Variants in TNRC6A observed in about 807,000 individuals in gnomAD.
TNRC6A encodes the protein trinucleotide repeat-containing gene 6A protein.
A neutral mutation model predicts 221.2 loss-of-function variants in TNRC6A; 44 were observed. The ratio of observed to expected loss-of-function variants is 0.20; its 90% CI spans 0.16 to 0.26. TNRC6A has a LOEUF of 0.26. TNRC6A is among the 10% of genes least tolerant of loss of function. The probability of loss-of-function intolerance (pLI) is 1.00; values close to 1 mark genes in which losing one functional copy is unlikely to be tolerated. For missense variants in TNRC6A, 2,199 were observed against 2,404.4 expected (o/e 0.91, Z 1.79); for synonymous variants, 847 against 838.5 (o/e 1.01, Z -0.18).
At chr16:24,773,884 A>G (rs908903574) in intron 4 of TNRC6A, among the ~76,000 whole-genome samples, 9 of 147,016 alleles carry the variant, frequency 6.1e-5, no homozygotes, top group African/African-American at 2.0e-4. Context: ...ACCTTGCTGC[A>G]TTGTTTTGTT....
intron 4 of TNRC6A, chr16:24,776,226 C>CAT (rs1430086041): frequency 1.0e-6 from 1 of 977,300 alleles, no homozygotes; most frequent in African/African-American, 1.8e-5. Context: ...TCTTTCCACT[C>CAT]TTTTATGAGT....
chr16:24,679,986 C>T (rs73566403), intron 2 of TNRC6A, among the ~76,000 whole-genome samples: 10,108 of 152,226 alleles, frequency 0.066, 837 homozygotes, highest in East Asian at 0.32. Context: ...CAACTTAACA[C>T]ATTACATGTC....
rs374927456 is a variant in TNRC6A, at chr16:24,744,417, A to G, written c.54-6309A>G. ...CTTGCCTTAACCAGTAGGGCCAAGTAGTGATTTTTAAAGTCAACCATTCTT... is the reference window on the plus strand; with the variant it reads ...CTTGCCTTAACCAGTAGGGCCAAGTGGTGATTTTTAAAGTCAACCATTCTT... On this transcript the variant is annotated intron_variant, in intron 2 of 24. Transcript: ENST00000395799. Among the ~76,000 whole-genome samples the G allele has an allele frequency of 1.9e-4, 29 of 152,334 alleles. 1 individual carries two copies. The East Asian group carries it at 3.9e-3, about 20-fold the overall frequency.
At chr16:24,758,482 T>G in intron 4 of TNRC6A, 122 bp downstream of exon 4, 3 of 1,012,610 alleles carry the variant, frequency 3.0e-6, no homozygotes, top group Non-Finnish European at 1.5e-6. Context: ...GGGATTAGCC[T>G]TCTTCAGTAA....
rs893120365 is a variant in TNRC6A at position 24,776,977 on chromosome 16, A to G, written c.208A>G (p.Asn70Asp). 2 of 1,614,000 alleles carry G rather than the reference A, an allele frequency of 1.2e-6. No homozygotes were observed. The highest frequency in any genetic ancestry group is 1.7e-6 in the Non-Finnish European group (2 of 1,180,016). ...CAGTGTAAGCCAGCCTCAGCCTGCC[A>G]ACTCTAATAACGGCACTTCCACAGC... ...KPSVSQPQPA[N>D]SNNGTSTATS... The change falls in exon 5 of 25, where the codon AAC becomes GAC. Residue 70 changes from asparagine to aspartate, a missense_variant. Physicochemically the swap from Asn to Asp is conservative, Grantham distance 23. Around this residue, in one of 8 missense-constraint regions of TNRC6A, gnomAD observed 1,405 missense variants for 1,400.2 expected, o/e 1.00. Coordinates refer to ENST00000395799, the MANE Select transcript of TNRC6A (RefSeq NM_014494.4).
chr16:24,630,519 C>T (rs547365200), intron 1 of TNRC6A, among the ~76,000 whole-genome samples: 133 of 152,248 alleles, frequency 8.7e-4, no homozygotes, highest in African/African-American at 3.1e-3. Context: ...ACAACAACAA[C>T]AAAAAACATA....
In TNRC6A at chr16:24,723,045, G is replaced by A. The variant is rs78565460; in HGVS notation, n.403-27681G>A. Among the ~76,000 whole-genome samples the A allele has an allele frequency of 6.5e-3, 997 of 152,248 alleles. 6 individuals are homozygous for A. Among genetic ancestry groups the A allele is most frequent in the Middle Eastern group, 0.01 (3 of 294 alleles). ...GTTGGTTGGGTCAAGGGAGGAATGA[G>A]GAGGCTAAATTTTGACATGTCAGCC... is the stretch of plus-strand genomic sequence containing the variant. On this transcript the variant is annotated intron_variant and non_coding_transcript_variant, in intron 2 of 2. Transcript: ENST00000566108.
intron 5 of TNRC6A, among the ~76,000 whole-genome samples, chr16:24,782,118 G>A (rs909012475): frequency 5.9e-5 from 9 of 152,078 alleles, no homozygotes; most frequent in East Asian, 3.9e-4. Flanking sequence ...CACCGCGCCC[G>A]GCCAATTTTA....
intron 1 of TNRC6A, 140 bp downstream of exon 1, chr16:24,729,986 G>A: frequency 1.2e-6 from 1 of 808,210 alleles, no homozygotes; most frequent in East Asian, 5.4e-5. Context: ...GGCGCAGGCT[G>A]CGTTGCTGCG....
At chr16:24,615,377 G>T (rs747896868) in intron 1 of TNRC6A, among the ~76,000 whole-genome samples, 7 of 152,190 alleles carry the variant, frequency 4.6e-5, no homozygotes, top group Non-Finnish European at 8.8e-5. Flanking sequence ...ACCCTAGACA[G>T]TGGGATATGC....
rs115990503 is a variant in TNRC6A, at chr16:24,685,186, C to T, written n.402+44177C>T. ...TCTTTTCTATGATACTTCCGGGGCC[C>T]GACATAGTGCTTAGCTTAGAGTAAG... On this transcript the variant is annotated intron_variant and non_coding_transcript_variant, in intron 2 of 2. Transcript: ENST00000566108. 3.0e-3 allele frequency among the ~76,000 whole-genome samples: 455 copies of T among 152,160 alleles called. 2 individuals are homozygous for T. Among genetic ancestry groups the T allele is most frequent in the African/African-American group, 0.01 (417 of 41,500 alleles).
At chr16:24,688,494 A>G (rs746604029) in intron 2 of TNRC6A, among the ~76,000 whole-genome samples, 2 of 152,148 alleles carry the variant, frequency 1.3e-5, no homozygotes, top group Non-Finnish European at 2.9e-5. Context: ...GATAAAAACC[A>G]ATTCTATTTC....
At chr16:24,760,662 G>GTT (rs1215771347) in intron 4 of TNRC6A, among the ~76,000 whole-genome samples, 1 of 152,148 alleles carries the variant, frequency 6.6e-6, no homozygotes, top group Non-Finnish European at 1.5e-5. Flanking sequence ...TCACATAGTG[G>GTT]TTAGAGATTA....
chr16:24,660,106 G>A lies in TNRC6A; in HGVS notation n.402+19097G>A, dbSNP rs137924805. Among the ~76,000 whole-genome samples the A allele has an allele frequency of 3.8e-3, 574 of 151,756 alleles. 1 individual carries two copies. Among genetic ancestry groups the A allele is most frequent in the Admixed American group, 6.3e-3 (96 of 15,178 alleles). On this transcript the variant is annotated intron_variant and non_coding_transcript_variant, in intron 2 of 2. Transcript: ENST00000566108. ...ACTTTTTATTTCTGTAGGTTTTGGG[G>A]GGAACAGGTAGTGTTTGGTTACATG...
chr16:24,769,412 T>A (rs1406462812), intron 4 of TNRC6A, among the ~76,000 whole-genome samples: 3 of 151,364 alleles, frequency 2.0e-5, no homozygotes, highest in Non-Finnish European at 4.4e-5. Context: ...CCAGTTAAAA[T>A]TTTTTTTCCC....
chr16:24,719,106 T>C (rs550854504), intron 2 of TNRC6A, among the ~76,000 whole-genome samples: 16 of 152,254 alleles, frequency 1.1e-4, no homozygotes, highest in African/African-American at 3.4e-4. Context: ...TTTATTCATT[T>C]AATAAGTATT....
At position 24,729,788 on chromosome 16, in the gene TNRC6A, T is replaced by C; in HGVS notation, c.-54T>C. ...TCTCCCCGCGGCGCTGCGGAGGGCT[T>C]GAGGCTCGCGAGCCTCCTTCGCCGC... On this transcript the variant is annotated 5_prime_UTR_variant, in exon 1 of 25. The change abolishes the stop of an existing upstream ORF in the 5' untranslated region. Transcript: ENST00000395799. 2 of 1,401,186 alleles carry C rather than the reference T, an allele frequency of 1.4e-6. No homozygotes were observed. The highest frequency in any genetic ancestry group is 9.3e-7 in the Non-Finnish European group (1 of 1,071,262). The allele number at this position is 1,401,186 out of a possible 1,614,324, so 86.8% of individuals were successfully genotyped here. A position where few individuals can be genotyped will look rare whatever the true frequency, so the allele number is the denominator to read the frequency against.
At chr16:24,658,465 A>T (rs892517173) in intron 2 of TNRC6A, among the ~76,000 whole-genome samples, 3 of 151,858 alleles carry the variant, frequency 2.0e-5, no homozygotes, top group Non-Finnish European at 2.9e-5. Context: ...CAATTCGAGC[A>T]ATTCTCCTGC....
chr16:24,820,904 T>C (rs1035073629), intron 22 of TNRC6A, among the ~76,000 whole-genome samples: 6 of 152,272 alleles, frequency 3.9e-5, no homozygotes, highest in Non-Finnish European at 5.9e-5. Context: ...ACCATACATA[T>C]ACACACACAG....
Sources: allele counts gnomAD v4.1 joint callset (sites outside exome capture counted in the v4.1 genomes callset), GRCh38; gene constraint gnomAD v4.1.1; regional missense constraint gnomAD v4.1.1; transcripts MANE v1.5; gene names NCBI Gene and HGNC (gene_info 2026-07-23, HGNC 2026-07-21).